The following CSTF1 variants were observed in gnomAD, a reference collection of about 807,000 sequenced individuals.
CSTF1 encodes CF-1 50 kDa subunit.
A neutral mutation model predicts 40.9 loss-of-function variants in CSTF1; 2 were observed. The ratio of observed to expected loss-of-function variants is 0.05; its 90% CI spans 0.02 to 0.15. CSTF1 has a LOEUF of 0.15. Ranked by LOEUF, CSTF1 falls within the 10% of genes least tolerant of loss-of-function variation. The pLI is 1.00. For missense variants in CSTF1, 279 were observed against 558.9 expected (o/e 0.50, Z 5.05); for synonymous variants, 218 against 207.2 (o/e 1.05, Z -0.45).
chr20:56,394,363 A>G (rs1403725413), intron 1 of CSTF1, among the ~76,000 whole-genome samples: 1 of 152,210 alleles, frequency 6.6e-6, no homozygotes, highest in African/African-American at 2.4e-5. Context: ...AGGCAGGCAG[A>G]TCACCTGAGG....
In CSTF1 at chr20:56,405,027, A is replaced by G. The variant is rs1350732767; in HGVS notation, c.*1300A>G. On this transcript the variant is annotated 3_prime_UTR_variant, in exon 6 of 6. Coordinates refer to ENST00000217109, the MANE Select transcript of CSTF1 (RefSeq NM_001324.3). The stretch of plus-strand genomic sequence containing the variant: ...GATTCAGCACTAGCAGAGTCAGAGA[A>G]CTCTGAACTCCCCTTGTACAAACAT... 1 of 149,792 alleles carries G rather than the reference A, an allele frequency of 6.7e-6. No individual in the cohort carries two copies. Among genetic ancestry groups the G allele is most frequent in the Non-Finnish European group, 1.5e-5 (1 of 67,584 alleles). 9.3% of individuals were successfully genotyped at this position (149,792 alleles called of 1,614,324 possible).
In CSTF1 at chr20:56,399,434, T is replaced by G; in HGVS notation, c.1036+77T>G. 2 of 1,281,244 alleles carry G rather than the reference T, an allele frequency of 1.6e-6. No homozygotes were observed. Among genetic ancestry groups the G allele is most frequent in the Non-Finnish European group, 2.2e-6 (2 of 921,626 alleles). 79.4% of individuals were successfully genotyped at this position (1,281,244 alleles called of 1,614,324 possible). ...AGAACTCTCTTTTAAGACCTCACAA[T>G]AGAGCAACACAATATCTATGCATTG... On this transcript the variant is annotated intron_variant, in intron 5 of 5. Transcript: ENST00000217109. This position sits in a 1 kb window ranked among gnomAD's most constrained non-coding sequence, Gnocchi z 4.6.
rs757275010 is a variant in CSTF1, at chr20:56,399,285, C to A, written c.964C>A (p.Leu322Ile). Residue 322 changes from leucine to isoleucine, a missense_variant, in exon 5 of 6, where the codon CTC (leucine) becomes ATC (isoleucine). Transcript: ENST00000217109. The surrounding 1 kb of genome is among the most constrained non-coding windows in gnomAD (Gnocchi z 4.6). ...TTTTTCCAAAAATTCTAAATACATT[C>A]TCTCAAGTGGAAAAGACTCTGTAGC... The part of the protein sequence containing the change: ...AIFSKNSKYI[L>I]SSGKDSVAKL... 6.2e-7 allele frequency: 1 copy of A among 1,614,136 alleles called. No homozygotes were observed. Among genetic ancestry groups the A allele is most frequent in the Non-Finnish European group, 8.5e-7 (1 of 1,179,978 alleles).
chr20:56,397,045 G>A lies in CSTF1; in HGVS notation c.170-162G>A. On this transcript the variant is annotated intron_variant, in intron 2 of 5. Coordinates refer to ENST00000217109, the MANE Select transcript of CSTF1 (RefSeq NM_001324.3). This position sits in a 1 kb window ranked among gnomAD's most constrained non-coding sequence, Gnocchi z 4.4. ...AGCGTGGTGAACTTTGAATAGCATGGGCAAAATACACAGTTTTGTAAAGTG... is the reference window on the plus strand; with the variant it reads ...AGCGTGGTGAACTTTGAATAGCATGAGCAAAATACACAGTTTTGTAAAGTG... 1 of 739,024 alleles carries A rather than the reference G, an allele frequency of 1.4e-6. No homozygotes were observed. The highest frequency in any genetic ancestry group is 2.2e-6 in the Non-Finnish European group (1 of 465,062). The allele number at this position is 739,024 out of a possible 1,614,324, so 45.8% of individuals were successfully genotyped here.
At position 56,397,790 on chromosome 20, in the gene CSTF1, A is replaced by C; in HGVS notation, c.594A>C (p.Lys198Asn). ...CTGGTTCAAGGGATTATACTCTTAA[A>C]TTATTTGATTATTCCAAACCATCAG... ...LASGSRDYTL[K>N]LFDYSKPSAK... Residue 198 changes from lysine (K) to asparagine (N), a missense_variant, in exon 4 of 6, where the codon AAA becomes AAC. Coordinates refer to ENST00000217109, the MANE Select transcript of CSTF1 (RefSeq NM_001324.3). The surrounding 1 kb of genome is among the most constrained non-coding windows in gnomAD (Gnocchi z 4.4). 3 of 1,614,194 alleles carry C rather than the reference A, an allele frequency of 1.9e-6. No individual in the cohort carries two copies. Among genetic ancestry groups the C allele is most frequent in the Non-Finnish European group, 2.5e-6 (3 of 1,179,996 alleles).
chr20:56,402,975 A>G (rs1380987760), intron 5 of CSTF1, among the ~76,000 whole-genome samples: 2 of 152,116 alleles, frequency 1.3e-5, no homozygotes, highest in Non-Finnish European at 2.9e-5. Flanking sequence ...ATTGTTAAAT[A>G]AGTAATGGGG....
In CSTF1 at chr20:56,397,667, A is replaced by G. The variant is rs1040627786; in HGVS notation, c.471A>G (p.Gln157=). The G allele has an allele frequency of 2.5e-6, 4 of 1,614,092 alleles. No individual in the cohort carries two copies. Among genetic ancestry groups the G allele is most frequent in the African/African-American group, 2.7e-5 (2 of 74,934 alleles). The change falls in exon 4 of 6, where the codon CAA becomes CAG. Residue 157 remains glutamine, a synonymous_variant. Transcript: ENST00000217109. The surrounding 1 kb of genome is among the most constrained non-coding windows in gnomAD (Gnocchi z 4.4). The part of the protein sequence containing the change: ...PIEVMMNETA[Q]QNMENHPVIR... ...AGGTCATGATGAATGAGACCGCACA[A>G]CAAAATATGGAAAACCACCCAGTGA...
rs1987552208 is a variant in CSTF1, at chr20:56,397,562, G to A, written c.447+78G>A. ...AAAAATGAGAGTATGGTTGAAACCA[G>A]CTTTAGTTTGCTACAGTTGTGGATT... On this transcript the variant is annotated intron_variant, in intron 3 of 5. Coordinates refer to ENST00000217109, the MANE Select transcript of CSTF1 (RefSeq NM_001324.3). This position sits in a 1 kb window ranked among gnomAD's most constrained non-coding sequence, Gnocchi z 4.4. 6.3e-7 allele frequency: 1 copy of A among 1,596,930 alleles called. No homozygotes were observed. The highest frequency in any genetic ancestry group is 8.6e-7 in the Non-Finnish European group (1 of 1,166,706).
At chr20:56,394,555 C>T (rs1987461563) in intron 1 of CSTF1, among the ~76,000 whole-genome samples, 1 of 152,220 alleles carries the variant, frequency 6.6e-6, no homozygotes, top group African/African-American at 2.4e-5. Context: ...CCACTGCCCT[C>T]AAGCCTGGGC....
chr20:56,399,230 A>G lies in CSTF1; in HGVS notation c.909A>G (p.Ala303=). 1 of 1,614,246 alleles carries G rather than the reference A, an allele frequency of 6.2e-7. No homozygotes were observed. Among genetic ancestry groups the G allele is most frequent in the Non-Finnish European group, 8.5e-7 (1 of 1,180,042 alleles). ...SNRCITTFEK[A]HDGAEVCSAI... Reference sequence around the variant, plus strand: ...GATGCATCACAACTTTTGAGAAAGCACATGACGGTGCTGAAGTTTGTTCTG... The same window carrying G: ...GATGCATCACAACTTTTGAGAAAGCGCATGACGGTGCTGAAGTTTGTTCTG... The change falls in exon 5 of 6, where the codon GCA becomes GCG. Residue 303 remains alanine, a synonymous_variant. Coordinates refer to ENST00000217109, the MANE Select transcript of CSTF1 (RefSeq NM_001324.3). This position sits in a 1 kb window ranked among gnomAD's most constrained non-coding sequence, Gnocchi z 4.6.
rs906163485 is a variant in CSTF1, at chr20:56,405,568, A to T, written c.*1841A>T. Reference sequence around the variant, plus strand: ...CATTCTGTTTTAGTCATCCTTGAGGATCGTTTTAACTCCTTGATCTGTAAA... The same window carrying T: ...CATTCTGTTTTAGTCATCCTTGAGGTTCGTTTTAACTCCTTGATCTGTAAA... On this transcript the variant is annotated 3_prime_UTR_variant, in exon 6 of 6. Coordinates refer to ENST00000217109, the MANE Select transcript of CSTF1 (RefSeq NM_001324.3). The T allele has an allele frequency of 1.3e-5, 2 of 152,190 alleles. No homozygotes were observed. The highest frequency in any genetic ancestry group is 1.3e-4 in the Admixed American group (2 of 15,272). 9.4% of individuals were successfully genotyped at this position (152,190 alleles called of 1,614,324 possible).
rs1569117628 is a variant in CSTF1, at chr20:56,399,248, T to C, written c.927T>C (p.Val309=). The change falls in exon 5 of 6, where the codon GTT becomes GTC. Residue 309 remains valine (V), a synonymous_variant. Transcript: ENST00000217109. The surrounding 1 kb of genome is among the most constrained non-coding windows in gnomAD (Gnocchi z 4.6). The part of the protein sequence containing the change: ...TFEKAHDGAE[V]CSAIFSKNSK... ...AGAAAGCACATGACGGTGCTGAAGT[T>C]TGTTCTGCCATTTTTTCCAAAAATT... 6.2e-7 allele frequency: 1 copy of C among 1,614,242 alleles called. No homozygotes were observed. The highest frequency in any genetic ancestry group is 1.1e-5 in the South Asian group (1 of 91,088).
Position 56,403,485 on chromosome 20 carries a change from C to T in CSTF1, c.1054C>T (p.Arg352Cys), listed in dbSNP as rs1407318272. Residue 352 changes from arginine to cysteine, a missense_variant, in exon 6 of 6, where the codon CGC (arginine) becomes TGC (cysteine). By Grantham distance (180) the Arg-to-Cys change is radical. This residue lies in a region of CSTF1 where 162 missense variants were observed against 337.1 expected (regional missense o/e 0.48). Coordinates refer to ENST00000217109, the MANE Select transcript of CSTF1 (RefSeq NM_001324.3). Reference protein sequence around the residue: ...VRYTGAGLSGRQVHRTQAVFN... With the variant: ...VRYTGAGLSGCQVHRTQAVFN... Reference sequence around the variant, plus strand: ...TGTGGCAGGCGCGGGTTTAAGTGGACGCCAGGTGCACCGGACACAGGCTGT... The same window carrying T: ...TGTGGCAGGCGCGGGTTTAAGTGGATGCCAGGTGCACCGGACACAGGCTGT... 2 of 1,614,004 alleles carry T rather than the reference C, an allele frequency of 1.2e-6. No homozygotes were observed. Among genetic ancestry groups the T allele is most frequent in the Non-Finnish European group, 1.7e-6 (2 of 1,179,994 alleles).
In CSTF1 at chr20:56,396,165, A is replaced by G. The variant is rs186362409; in HGVS notation, c.169+444A>G. ...TTTCCCATGGGATCCTTACCTCCAC[A>G]CTTCCCACCTACTGCTGCCCCCTTG... On this transcript the variant is annotated intron_variant, in intron 2 of 5. Transcript: ENST00000217109. Among the ~76,000 whole-genome samples the G allele has an allele frequency of 3.6e-3, 548 of 152,160 alleles. 4 individuals carry two copies. The highest frequency in any genetic ancestry group is 0.012 in the African/African-American group (511 of 41,500).
At chr20:56,398,157 TAAAA>T (rs905084067) in intron 4 of CSTF1, among the ~76,000 whole-genome samples, 1 of 151,650 alleles carries the variant, frequency 6.6e-6, no homozygotes, top group Admixed American at 6.6e-5. Flanking sequence ...CTTAGAGGAA[TAAAA>T]AAAAAGTTCA....
Position 56,397,387 on chromosome 20 carries a change from G to A in CSTF1, c.350G>A (p.Ser117Asn). Residue 117 changes from serine to asparagine, a missense_variant, in exon 3 of 6, where the codon AGT becomes AAT. Ser to Asn is a conservative substitution (Grantham distance 46). Around this residue, in one of 4 missense-constraint regions of CSTF1, gnomAD observed 66 missense variants for 148.0 expected, o/e 0.45. Coordinates refer to ENST00000217109, the MANE Select transcript of CSTF1 (RefSeq NM_001324.3). This position sits in a 1 kb window ranked among gnomAD's most constrained non-coding sequence, Gnocchi z 4.4. ...HKGPCRVATY[S>N]RDGQLIATGS... ...GGACCATGCCGTGTAGCTACCTATA[G>A]TAGAGATGGACAGTTAATAGCTACT... The A allele has an allele frequency of 6.2e-7, 1 of 1,614,178 alleles. No individual in the cohort carries two copies. Among genetic ancestry groups the A allele is most frequent in the Non-Finnish European group, 8.5e-7 (1 of 1,180,044 alleles).
chr20:56,400,237 T>G (rs1255099516), intron 5 of CSTF1, among the ~76,000 whole-genome samples: 1 of 152,206 alleles, frequency 6.6e-6, no homozygotes, highest in Non-Finnish European at 1.5e-5. Flanking sequence ...TTGCCTTAGA[T>G]TTGTCTCATT....
chr20:56,399,487 A>G lies in CSTF1; in HGVS notation c.1036+130A>G. The G allele has an allele frequency of 1.2e-6, 1 of 867,990 alleles. No individual in the cohort carries two copies. Among genetic ancestry groups the G allele is most frequent in the Non-Finnish European group, 1.8e-6 (1 of 570,546 alleles). The allele number at this position is 867,990 out of a possible 1,614,324, so 53.8% of individuals were successfully genotyped here. On this transcript the variant is annotated intron_variant, in intron 5 of 5. Transcript: ENST00000217109. This position sits in a 1 kb window ranked among gnomAD's most constrained non-coding sequence, Gnocchi z 4.6. ...CAAGGCAGATGTTACCCTTTCTTAG[A>G]TAAGAGGAAACCAAGACTTACAGGT...
In CSTF1 at chr20:56,397,812, T is replaced by C; in HGVS notation, c.616T>C (p.Ser206Pro). The change falls in exon 4 of 6, where the codon TCA becomes CCA. Residue 206 changes from serine (S) to proline (P), a missense_variant. Ser to Pro is a moderately conservative substitution (Grantham distance 74). Coordinates refer to ENST00000217109, the MANE Select transcript of CSTF1 (RefSeq NM_001324.3). This position sits in a 1 kb window ranked among gnomAD's most constrained non-coding sequence, Gnocchi z 4.4. ...TLKLFDYSKP[S>P]AKRAFKYIQE... ...TAAATTATTTGATTATTCCAAACCA[T>C]CAGCAAAAAGAGCCTTCAAATACAT... 6.2e-7 allele frequency: 1 copy of C among 1,613,686 alleles called. No individual in the cohort carries two copies. The highest frequency in any genetic ancestry group is 8.5e-7 in the Non-Finnish European group (1 of 1,179,790).
Sources: gnomAD v4.1 joint callset for allele counts (sites outside exome capture counted in the v4.1 genomes callset) on GRCh38, gnomAD v4.1.1 for gene constraint, gnomAD v4.1.1 regional missense constraint, Gnocchi (gnomAD v3.1) non-coding constraint, MANE v1.5 for transcripts, NCBI Gene and HGNC (gene_info 2026-07-23, HGNC 2026-07-21) for gene names.